MACF1: variants seen among roughly 807,000 people sequenced by gnomAD.
The protein encoded by MACF1 is microtubule-actin cross-linking factor 1.
MACF1 carries 193 observed loss-of-function variants against 854.8 expected under a neutral mutation model. The ratio of observed to expected loss-of-function variants is 0.23; its 90% CI spans 0.20 to 0.25. The LOEUF is 0.25. Among genes scored for constraint, MACF1 ranks in the 10% least tolerant of loss-of-function variants. The probability of loss-of-function intolerance (pLI) is 1.00; values close to 1 mark genes in which losing one functional copy is unlikely to be tolerated. For synonymous variants in MACF1, 3,185 were observed against 3,226.7 expected (o/e 0.99, Z 0.44); for missense variants, 7,722 against 8,929.1 (o/e 0.86, Z 5.45).
At chr1:39,162,898 G>A (rs1156934561) in intron 2 of MACF1, among the ~76,000 whole-genome samples, 2 of 152,056 alleles carry the variant, frequency 1.3e-5, no homozygotes, top group African/African-American at 4.8e-5. Flanking sequence ...AGAGTATTTG[G>A]GGGAATTGAA....
intron 14 of MACF1, 149 bp downstream of exon 14, chr1:39,285,907 G>A: frequency 1.2e-6 from 1 of 815,152 alleles, no homozygotes; most frequent in Non-Finnish European, 1.9e-6. Context: ...CTCTTGGGCA[G>A]GAATGTTTTG....
chr1:39,468,511 A>G, intron 95 of MACF1, 104 bp from the exon 96 acceptor site: 1 of 848,318 alleles, frequency 1.2e-6, no homozygotes, highest in Non-Finnish European at 1.9e-6. Context: ...ATTCTTCTGT[A>G]GCTATCAAAT....
rs771000013 is a variant in MACF1 at position 39,387,919 on chromosome 1, T to C, written c.15077T>C (p.Val5026Ala). 1 of 1,613,724 alleles carries C rather than the reference T, an allele frequency of 6.2e-7. No homozygotes were observed. Among genetic ancestry groups the C allele is most frequent in the South Asian group, 1.1e-5 (1 of 91,066 alleles). ...AGCTTTAAGAATATTGAAAAGAAGG[T>C]TGAAGGAGCCAAACACCAACTTGAG... The part of the protein sequence containing the change: ...QESFKNIEKK[V>A]EGAKHQLEIF... The change falls in exon 58 of 101, where the codon GTT becomes GCT. Residue 5026 changes from valine to alanine, a missense_variant. By Grantham distance (64) the Val-to-Ala change is moderately conservative. Transcript: ENST00000564288.
At chr1:39,350,271 G>A (rs987394850) in intron 42 of MACF1, among the ~76,000 whole-genome samples, 10 of 152,172 alleles carry the variant, frequency 6.6e-5, no homozygotes, top group African/African-American at 1.9e-4. Flanking sequence ...TTATATATTG[G>A]TCTTGAGGTG....
intron 2 of MACF1, among the ~76,000 whole-genome samples, chr1:39,196,990 G>T (rs1447896985): frequency 6.6e-6 from 1 of 152,102 alleles, no homozygotes; most frequent in Non-Finnish European, 1.5e-5. Context: ...GGCCCTGCCC[G>T]TTGGCTGTTA....
chr1:39,204,864 A>G lies in MACF1; in HGVS notation c.-159A>G. 9.9e-6 allele frequency: 6 copies of G among 606,822 alleles called. No individual in the cohort carries two copies. Among genetic ancestry groups the G allele is most frequent in the Admixed American group, 5.7e-5 (2 of 35,382 alleles). The allele number at this position is 606,822 out of a possible 1,614,324, so 37.6% of individuals were successfully genotyped here. ...GCCTGCTGAAAAACAGTCAGAAGTG[A>G]GATGGAGGAGAAGCTGCCAGGAAGT... is the stretch of plus-strand genomic sequence containing the variant. On this transcript the variant is annotated 5_prime_UTR_variant, in exon 1 of 101. Transcript: ENST00000564288.
intron 2 of MACF1, among the ~76,000 whole-genome samples, chr1:39,099,461 A>G (rs1313698310): frequency 6.6e-6 from 1 of 152,170 alleles, no homozygotes; most frequent in Non-Finnish European, 1.5e-5. Flanking sequence ...CTGGCCTAAG[A>G]ATTTCTTTAT....
chr1:39,269,051 C>G (rs1450949238), intron 6 of MACF1: 68 of 1,289,330 alleles, frequency 5.3e-5, no homozygotes, highest in Non-Finnish European at 6.8e-5. Context: ...AGGTCCAGAC[C>G]GCCCACCTTT....
chr1:39,127,303 A>G (rs1642884018), intron 2 of MACF1, among the ~76,000 whole-genome samples: 1 of 152,304 alleles, frequency 6.6e-6, no homozygotes, highest in Middle Eastern at 3.4e-3. Context: ...GCTGAGGTGG[A>G]CCTGGTGTGT....
chr1:39,266,640 T>TTAAGGC (rs1645236238), intron 6 of MACF1, among the ~76,000 whole-genome samples: 1 of 140,072 alleles, frequency 7.1e-6, no homozygotes, highest in Non-Finnish European at 1.5e-5. Context: ...GGAAAGATAG[T>TTAAGGC]TAAGGCTATG....
intron 1 of MACF1, among the ~76,000 whole-genome samples, chr1:39,210,934 CCTCT>C (rs1448579238): frequency 5.3e-5 from 8 of 150,470 alleles, no homozygotes; most frequent in African/African-American, 2.0e-4. Context: ...TCCCTCCCTC[CCTCT>C]CTCTTTCCCT....
At position 39,161,238 on chromosome 1, in the gene MACF1, G is replaced by A. The variant is rs147738206; in HGVS notation, c.221-69944G>A. Among the ~76,000 whole-genome samples the A allele has an allele frequency of 4.9e-3, 752 of 152,208 alleles. 10 individuals are homozygous for A. The highest frequency in any genetic ancestry group is 0.017 in the African/African-American group (706 of 41,518). ...GTATGACAGGCTGAACTATTGGCCCGAGTCCTGATTTTTGGCAGAGTCCAG... is the reference window on the plus strand; with the variant it reads ...GTATGACAGGCTGAACTATTGGCCCAAGTCCTGATTTTTGGCAGAGTCCAG... On this transcript the variant is annotated intron_variant, in intron 2 of 93. Transcript: ENST00000361689.
At position 39,455,143 on chromosome 1, in the gene MACF1, C is replaced by T. The variant is rs753963209; in HGVS notation, c.21075+46C>T. On this transcript the variant is annotated intron_variant, in intron 89 of 100. Transcript: ENST00000564288. The stretch of plus-strand genomic sequence containing the variant: ...GATCACTGGTGTTTTCCGTGTTGGG[C>T]ATGGAGACCATCTCTGTTGCCCTGT... The T allele has an allele frequency of 8.9e-6, 14 of 1,570,718 alleles. No individual in the cohort carries two copies. The South Asian group carries it at 1.6e-4, about 18-fold the overall frequency.
At chr1:39,417,385 A>G (rs901057589) in intron 58 of MACF1, among the ~76,000 whole-genome samples, 1 of 152,174 alleles carries the variant, frequency 6.6e-6, no homozygotes, top group African/African-American at 2.4e-5. Flanking sequence ...GTTCTATAAG[A>G]TTACAATTTG....
intron 2 of MACF1, among the ~76,000 whole-genome samples, chr1:39,232,585 G>A (rs1644790499): frequency 6.6e-6 from 1 of 152,060 alleles, no homozygotes; most frequent in African/African-American, 2.4e-5. Flanking sequence ...TTTTTGGGCA[G>A]TCTCATCCAT....
At chr1:39,451,341 T>A in intron 85 of MACF1, 130 bp downstream of exon 85, 1 of 952,846 alleles carries the variant, frequency 1.0e-6, no homozygotes, top group Non-Finnish European at 1.5e-6. Flanking sequence ...TTGCTTTGTG[T>A]GTTTAAACAA....
At chr1:39,316,559 G>T in intron 28 of MACF1, 30 bp downstream of exon 28, 1 of 1,598,590 alleles carries the variant, frequency 6.3e-7, no homozygotes, top group Non-Finnish European at 8.5e-7. Flanking sequence ...TTAGGAGGTT[G>T]ACCTAACATA....
In MACF1 at chr1:39,378,528, G is replaced by A; in HGVS notation, c.13276+5G>A. On this transcript the variant is annotated splice_donor_5th_base_variant and intron_variant, in intron 53 of 100. Coordinates refer to ENST00000564288, the MANE Select transcript of MACF1 (RefSeq NM_001394062.1). Reference sequence around the variant, plus strand: ...ACGGATACCACACCTGCAAAGGTGAGAATGCCATTTCAACAGTGCTTCTTT... The same window carrying A: ...ACGGATACCACACCTGCAAAGGTGAAAATGCCATTTCAACAGTGCTTCTTT... The A allele has an allele frequency of 1.9e-6, 3 of 1,613,422 alleles. No individual in the cohort carries two copies. Among genetic ancestry groups the A allele is most frequent in the Non-Finnish European group, 2.5e-6 (3 of 1,179,386 alleles).
chr1:39,381,151 A>G (rs12753329), intron 55 of MACF1, among the ~76,000 whole-genome samples: 1 of 151,856 alleles, frequency 6.6e-6, no homozygotes, highest in Non-Finnish European at 1.5e-5. Flanking sequence ...TCCGCCTCCC[A>G]GGTTCAAGCG....
Sources: gnomAD v4.1 joint callset for allele counts (sites outside exome capture counted in the v4.1 genomes callset) on GRCh38, gnomAD v4.1.1 for gene constraint, MANE v1.5 for transcripts, NCBI Gene and HGNC (gene_info 2026-07-23, HGNC 2026-07-21) for gene names.